The following NUP155 variants were observed in gnomAD, a reference collection of about 807,000 sequenced individuals.
NUP155 encodes nucleoporin 155.
In NUP155, 71 loss-of-function variants were observed where a neutral mutation model predicts 180.4. The observed-to-expected ratio is 0.39, with a 90% CI of 0.33 to 0.48. The LOEUF (loss-of-function observed/expected upper bound fraction) is 0.48. NUP155 is among the 20% of genes least tolerant of loss of function. The pLI is 0.91. For synonymous variants in NUP155, 582 were observed against 559.5 expected (o/e 1.04, Z -0.57); for missense variants, 1,553 against 1,648.9 (o/e 0.94, Z 1.01).
intron 1 of NUP155, among the ~76,000 whole-genome samples, chr5:37,366,456 T>C (rs533584432): frequency 2.5e-4 from 38 of 152,346 alleles, no homozygotes; most frequent in African/African-American, 9.1e-4. Flanking sequence ...TTTTTATTTT[T>C]TGAGACGGAG....
At chr5:37,320,781 A>C (rs1410274648) in intron 20 of NUP155, among the ~76,000 whole-genome samples, 1 of 152,232 alleles carries the variant, frequency 6.6e-6, no homozygotes, top group Non-Finnish European at 1.5e-5. Context: ...AACTAAAAAC[A>C]TCTGACAAGT....
intron 7 of NUP155, 48 bp downstream of exon 7, chr5:37,350,112 T>C (rs762296262): frequency 1.7e-6 from 2 of 1,206,878 alleles, no homozygotes; most frequent in South Asian, 2.4e-5. Context: ...GAGGGAACAA[T>C]GTGTTAGAAA....
chr5:37,368,970 C>G (rs1747785101), intron 1 of NUP155, among the ~76,000 whole-genome samples: 1 of 152,158 alleles, frequency 6.6e-6, no homozygotes, highest in South Asian at 2.1e-4. Context: ...CGAAAGACTT[C>G]AGGCCAGGAG....
intron 9 of NUP155, among the ~76,000 whole-genome samples, chr5:37,346,633 T>C (rs1318663569): frequency 6.6e-6 from 1 of 151,300 alleles, no homozygotes; most frequent in African/African-American, 2.4e-5. Flanking sequence ...GTCGCGCCAT[T>C]GCACTCCAGC....
At chr5:37,335,644 A>AT in intron 12 of NUP155, among the ~76,000 whole-genome samples, 1 of 152,262 alleles carries the variant, frequency 6.6e-6, no homozygotes, top group East Asian at 1.9e-4. Context: ...TACAAACCAT[A>AT]TAATAACATT....
intron 14 of NUP155, among the ~76,000 whole-genome samples, chr5:37,330,591 C>T (rs988219537): frequency 6.6e-6 from 1 of 152,112 alleles, no homozygotes; most frequent in Non-Finnish European, 1.5e-5. Flanking sequence ...ATTTTTAACA[C>T]AGGTGCTTTG....
chr5:37,291,849 C>A lies in NUP155; in HGVS notation c.*51G>T, dbSNP rs766111040. 6.4e-7 allele frequency: 1 copy of A among 1,562,278 alleles called. No homozygotes were observed. Among genetic ancestry groups the A allele is most frequent in the Non-Finnish European group, 8.8e-7 (1 of 1,133,686 alleles). On this transcript the variant is annotated 3_prime_UTR_variant, in exon 35 of 35. Transcript: ENST00000231498. ...TAGAACACCTGATATCTGGACCCAG[C>A]TGAGTTTTTATTTTACAGATCATAA...
chr5:37,321,301 G>A (rs1282744337), intron 20 of NUP155, among the ~76,000 whole-genome samples: 1 of 152,176 alleles, frequency 6.6e-6, no homozygotes, highest in Non-Finnish European at 1.5e-5. Flanking sequence ...AGCTGAGATT[G>A]CACCACTGCA....
At chr5:37,302,210 C>T (rs1742901676) in intron 29 of NUP155, among the ~76,000 whole-genome samples, 3 of 152,086 alleles carry the variant, frequency 2.0e-5, no homozygotes, top group Admixed American at 1.3e-4. Context: ...GCTGTTGAAA[C>T]AGTTGGGAAA....
chr5:37,334,080 C>T lies in NUP155; in HGVS notation c.1348-447G>A, dbSNP rs540961264. 5.3e-5 allele frequency among the ~76,000 whole-genome samples: 8 copies of T among 151,486 alleles called. No individual in the cohort carries two copies. The South Asian group carries it at 1.3e-3, about 24-fold the overall frequency. Reference sequence around the variant, plus strand: ...CCTCCCAAAGCGCTGGGATTACAGGCATGAGCCACCACACCTGGCCTCTGG... The same window carrying T: ...CCTCCCAAAGCGCTGGGATTACAGGTATGAGCCACCACACCTGGCCTCTGG... On this transcript the variant is annotated intron_variant, in intron 12 of 34. Coordinates refer to ENST00000231498, the MANE Select transcript of NUP155 (RefSeq NM_153485.3).
rs376182315 is a variant in NUP155, at chr5:37,328,230, C to A, written c.1876+128G>T. The A allele has an allele frequency of 6.6e-6, 5 of 759,768 alleles. No individual in the cohort carries two copies. In the African/African-American group the frequency reaches 7.1e-5, roughly 11 times the overall value. The allele number at this position is 759,768 out of a possible 1,614,324, so 47.1% of individuals were successfully genotyped here. On this transcript the variant is annotated intron_variant, in intron 17 of 34. Transcript: ENST00000231498. The stretch of plus-strand genomic sequence containing the variant: ...CAAATGCCAAAACTTGCTTGGACAG[C>A]GCTTCTAAAATTATATTTATTTTCA...
chr5:37,322,146 G>A (rs902838086), intron 20 of NUP155, among the ~76,000 whole-genome samples: 1 of 151,930 alleles, frequency 6.6e-6, no homozygotes, highest in Non-Finnish European at 1.5e-5. Context: ...CAGCCATCAC[G>A]CCCGGCCTAT....
chr5:37,309,683 T>C (rs1206911972), intron 23 of NUP155: 1 of 171,820 alleles, frequency 5.8e-6, no homozygotes, highest in African/African-American at 2.4e-5. Context: ...TCCCCTAAAT[T>C]TCCTTAATTT....
At chr5:37,296,557 A>C (rs867549315) in intron 32 of NUP155, among the ~76,000 whole-genome samples, 2 of 149,906 alleles carry the variant, frequency 1.3e-5, no homozygotes, top group Non-Finnish European at 3.0e-5. Flanking sequence ...TGCGGAAGGC[A>C]GCCGCAGGGT....
intron 3 of NUP155, among the ~76,000 whole-genome samples, chr5:37,363,262 T>C (rs976904554): frequency 9.9e-5 from 15 of 152,280 alleles, no homozygotes; most frequent in African/African-American, 2.9e-4. Context: ...GATCATTAAT[T>C]ACTCAGGAAC....
At chr5:37,349,707 T>A (rs560852876) in intron 7 of NUP155, among the ~76,000 whole-genome samples, 114 of 152,280 alleles carry the variant, frequency 7.5e-4, no homozygotes, top group African/African-American at 2.6e-3. Context: ...ATTTTAAAAT[T>A]CAGTCATATT....
chr5:37,340,838 T>C (rs1372487995), intron 11 of NUP155, among the ~76,000 whole-genome samples: 1 of 152,176 alleles, frequency 6.6e-6, no homozygotes, highest in Non-Finnish European at 1.5e-5. Flanking sequence ...TCAGGAGGTA[T>C]ATGTGCAAAT....
At chr5:37,346,288 C>A (rs1200479062) in intron 9 of NUP155, among the ~76,000 whole-genome samples, 2 of 150,830 alleles carry the variant, frequency 1.3e-5, no homozygotes, top group Non-Finnish European at 3.0e-5. Flanking sequence ...AAAAAAAAAA[C>A]AAAAAGTTGA....
intron 12 of NUP155, among the ~76,000 whole-genome samples, chr5:37,336,413 A>G (rs1269756844): frequency 6.6e-6 from 1 of 152,110 alleles, no homozygotes; most frequent in Non-Finnish European, 1.5e-5. Context: ...CCTGGGCAAC[A>G]GGGTGAGATG....
Sources: gnomAD v4.1 joint callset for allele counts (sites outside exome capture counted in the v4.1 genomes callset) on GRCh38, gnomAD v4.1.1 for gene constraint, MANE v1.5 for transcripts, NCBI Gene and HGNC (gene_info 2026-07-23, HGNC 2026-07-21) for gene names.